The following RPH3A variants were observed in gnomAD, a reference collection of about 807,000 sequenced individuals.
The protein encoded by RPH3A is rabphilin 3A.
RPH3A carries 48 observed loss-of-function variants against 102.2 expected under a neutral mutation model. That is an observed-to-expected ratio of 0.47 (90% CI 0.37 to 0.60). The LOEUF (loss-of-function observed/expected upper bound fraction) is 0.60. Ranked by LOEUF, RPH3A falls within the 20% of genes least tolerant of loss-of-function variation. RPH3A has a pLI of 0.00. For missense variants in RPH3A, 781 were observed against 910.1 expected (o/e 0.86, Z 1.83); for synonymous variants, 310 against 324.3 (o/e 0.96, Z 0.47).
At chr12:112,870,907 T>A (rs2042697823) in intron 10 of RPH3A, among the ~76,000 whole-genome samples, 1 of 152,244 alleles carries the variant, frequency 6.6e-6, no homozygotes, top group Non-Finnish European at 1.5e-5. Context: ...GTTTACTATG[T>A]GCCAAATGCC....
In RPH3A at chr12:112,865,269, T is replaced by G. The variant is rs376713848; in HGVS notation, c.231-145T>G. The stretch of plus-strand genomic sequence containing the variant: ...GTCAGAATTTTATGTGCATGTGCCT[T>G]TTCTTGGGGAAGAGTTCACAACTGT... On this transcript the variant is annotated intron_variant, in intron 5 of 21. Transcript: ENST00000389385. The G allele has an allele frequency of 1.6e-3, 1,577 of 965,404 alleles. 32 individuals carry two copies. The South Asian group carries it at 0.024, about 15-fold the overall frequency. The allele number at this position is 965,404 out of a possible 1,614,324, so 59.8% of individuals were successfully genotyped here. A position where few individuals can be genotyped will look rare whatever the true frequency, so the allele number is the denominator to read the frequency against.
At chr12:112,698,688 T>C (rs2040369199) in intron 1 of RPH3A, among the ~76,000 whole-genome samples, 2 of 152,238 alleles carry the variant, frequency 1.3e-5, no homozygotes, top group Admixed American at 1.3e-4. Flanking sequence ...CCCACTGAGA[T>C]GGCTTTTGAA....
At chr12:112,675,725 G>A (rs147407944) in intron 1 of RPH3A, among the ~76,000 whole-genome samples, 22 of 152,238 alleles carry the variant, frequency 1.4e-4, no homozygotes, top group African/African-American at 5.3e-4. Context: ...TGAAATTTTG[G>A]TGCAGGTATA....
At chr12:112,653,521 C>T (rs995763977) in intron 1 of RPH3A, among the ~76,000 whole-genome samples, 2 of 152,054 alleles carry the variant, frequency 1.3e-5, no homozygotes, top group Non-Finnish European at 2.9e-5. Context: ...CATTACTGTG[C>T]ACTGCTGTGG....
intron 1 of RPH3A, among the ~76,000 whole-genome samples, chr12:112,706,350 T>C (rs2040426519): frequency 6.6e-6 from 1 of 152,218 alleles, no homozygotes; most frequent in Admixed American, 6.5e-5. Context: ...GTTTTCTCCC[T>C]GCCCCAGAAC....
In RPH3A at chr12:112,865,451, G is replaced by A. The variant is rs1229317710; in HGVS notation, c.268G>A (p.Val90Met). The change falls in exon 6 of 22, where the codon GTG becomes ATG. Residue 90 changes from valine to methionine, a missense_variant. Physicochemically the swap from Val to Met is conservative, Grantham distance 21. Around this residue, in one of 2 missense-constraint regions of RPH3A, gnomAD observed 730 missense variants for 810.0 expected, o/e 0.90. Transcript: ENST00000389385. ...CCGCCTAGAAAACATGAGGAAGAAC[G>A]TGGCTGGAGATGGGGTGAACCGCTG... Reference protein sequence around the residue: ...VDRLENMRKNVAGDGVNRCIL... With the variant: ...VDRLENMRKNMAGDGVNRCIL... 1.4e-5 allele frequency: 23 copies of A among 1,613,940 alleles called. No homozygotes were observed. The highest frequency in any genetic ancestry group is 1.7e-5 in the Non-Finnish European group (20 of 1,180,000).
intron 1 of RPH3A, among the ~76,000 whole-genome samples, chr12:112,728,291 G>C (rs1375500829): frequency 2.6e-5 from 4 of 152,064 alleles, no homozygotes; most frequent in African/African-American, 9.7e-5. Context: ...AATTTTGTGG[G>C]GCAAAGTTGG....
intron 5 of RPH3A, among the ~76,000 whole-genome samples, chr12:112,855,066 G>A (rs1593086558): frequency 6.6e-6 from 1 of 152,180 alleles, no homozygotes; most frequent in East Asian, 1.9e-4. Flanking sequence ...GACAGGAAAG[G>A]GCAGGGAGAA....
At chr12:112,686,695 G>T (rs1223644618) in intron 1 of RPH3A, among the ~76,000 whole-genome samples, 1 of 152,228 alleles carries the variant, frequency 6.6e-6, no homozygotes, top group African/African-American at 2.4e-5. Flanking sequence ...AGAGAGCCCA[G>T]CTGAGATCAT....
Position 112,827,736 on chromosome 12 carries a change from C to T in RPH3A, c.-18-565C>T, listed in dbSNP as rs566919737. Among the ~76,000 whole-genome samples, 21 of 151,916 alleles carry T rather than the reference C, an allele frequency of 1.4e-4. No homozygotes were observed. The South Asian group carries it at 3.8e-3, about 27-fold the overall frequency. On this transcript the variant is annotated intron_variant, in intron 2 of 21. Transcript: ENST00000389385. Reference sequence around the variant, plus strand: ...ACACAGGAAAGGGAACATCACACACCGGGGCCTATCCTGGGGTGGGGGGCC... The same window carrying T: ...ACACAGGAAAGGGAACATCACACACTGGGGCCTATCCTGGGGTGGGGGGCC...
intron 1 of RPH3A, among the ~76,000 whole-genome samples, chr12:112,648,744 CA>C (rs1197742131): frequency 0.022 from 1,274 of 59,040 alleles, 16 homozygotes; most frequent in African/African-American, 0.082. Flanking sequence ...GACACGGTCT[CA>C]AAAAAAAAAA....
chr12:112,887,970 G>A, intron 17 of RPH3A, 47 bp downstream of exon 17: 1 of 1,602,456 alleles, frequency 6.2e-7, no homozygotes. Flanking sequence ...GGGAGATTGG[G>A]GGAGCTGCCT....
chr12:112,686,992 G>A (rs1421620216), intron 1 of RPH3A, among the ~76,000 whole-genome samples: 2 of 152,284 alleles, frequency 1.3e-5, no homozygotes, highest in East Asian at 3.9e-4. Context: ...GCACACACAT[G>A]TAGTCCCAGC....
intron 1 of RPH3A, among the ~76,000 whole-genome samples, chr12:112,747,811 A>T (rs1263695596): frequency 6.6e-6 from 1 of 152,232 alleles, no homozygotes; most frequent in Non-Finnish European, 1.5e-5. Context: ...TATGTGAAAC[A>T]GTCCAGGGTG....
chr12:112,753,179 C>T (rs1349804599), intron 1 of RPH3A, among the ~76,000 whole-genome samples: 1 of 152,120 alleles, frequency 6.6e-6, no homozygotes, highest in African/African-American at 2.4e-5. Flanking sequence ...GATTCCACTC[C>T]TGCTTTTCCA....
chr12:112,759,967 C>A (rs560370840), intron 1 of RPH3A, among the ~76,000 whole-genome samples: 1 of 152,174 alleles, frequency 6.6e-6, no homozygotes, highest in Non-Finnish European at 1.5e-5. Flanking sequence ...TGCTGAGTCA[C>A]GTCGGCTGGA....
chr12:112,806,246 G>T (rs1332127379), intron 2 of RPH3A, among the ~76,000 whole-genome samples: 1 of 152,198 alleles, frequency 6.6e-6, no homozygotes, highest in Non-Finnish European at 1.5e-5. Flanking sequence ...AATTGAGAAA[G>T]AATTTGCTTA....
intron 2 of RPH3A, among the ~76,000 whole-genome samples, chr12:112,818,108 C>G (rs546092459): frequency 6.6e-6 from 1 of 151,666 alleles, no homozygotes; most frequent in African/African-American, 2.4e-5. Context: ...GTCAGGAGAT[C>G]GAGACCATGG....
At chr12:112,783,076 C>T (rs2041019929) in intron 1 of RPH3A, among the ~76,000 whole-genome samples, 1 of 152,128 alleles carries the variant, frequency 6.6e-6, no homozygotes, top group Admixed American at 6.5e-5. Flanking sequence ...TGGGCTCTCA[C>T]CATTTCTGTA....
Sources: allele counts gnomAD v4.1 joint callset (sites outside exome capture counted in the v4.1 genomes callset), GRCh38; gene constraint gnomAD v4.1.1; regional missense constraint gnomAD v4.1.1; transcripts MANE v1.5; gene names NCBI Gene and HGNC (gene_info 2026-07-23, HGNC 2026-07-21).